CACNA1C: variants seen among roughly 807,000 people sequenced by gnomAD.
The protein encoded by CACNA1C is voltage-dependent L-type calcium channel subunit alpha-1C.
CACNA1C carries 30 observed loss-of-function variants against 229.0 expected under a neutral mutation model. The ratio of observed to expected loss-of-function variants is 0.13; its 90% CI spans 0.10 to 0.18. CACNA1C has a LOEUF of 0.18. Ranked by LOEUF, CACNA1C falls within the 10% of genes least tolerant of loss-of-function variation. The probability of loss-of-function intolerance (pLI) is 1.00; values close to 1 mark genes in which losing one functional copy is unlikely to be tolerated. For missense variants in CACNA1C, 1,658 were observed against 2,845.0 expected, an observed-to-expected ratio of 0.58 and a Z score of 9.49; for synonymous variants, 1,114 against 1,132.5, an observed-to-expected ratio of 0.98 and a Z score of 0.33.
intron 5 of CACNA1C, among the ~76,000 whole-genome samples, chr12:2,480,637 G>A (rs1055840996): frequency 2.6e-5 from 4 of 152,168 alleles, no homozygotes; most frequent in Non-Finnish European, 5.9e-5. Context: ...TCCTCTTCCT[G>A]TCATGGCAAA....
intron 3 of CACNA1C, among the ~76,000 whole-genome samples, chr12:2,155,042 C>G (rs1422035213): frequency 6.6e-6 from 1 of 152,100 alleles, no homozygotes; most frequent in African/African-American, 2.4e-5. Flanking sequence ...ATTTTTTTCA[C>G]TTGGTGAATC....
At chr12:2,227,333 A>C (rs1470065908) in intron 3 of CACNA1C, among the ~76,000 whole-genome samples, 1 of 152,208 alleles carries the variant, frequency 6.6e-6, no homozygotes, top group Non-Finnish European at 1.5e-5. Context: ...CAGACACTTC[A>C]TTCTGTTGAT....
At chr12:2,227,041 C>T (rs933187030) in intron 3 of CACNA1C, among the ~76,000 whole-genome samples, 1 of 152,196 alleles carries the variant, frequency 6.6e-6, no homozygotes, top group African/African-American at 2.4e-5. Flanking sequence ...GGAGGCAGTC[C>T]TCACCAAGAA....
intron 1 of CACNA1C, among the ~76,000 whole-genome samples, chr12:2,082,030 CAG>C (rs902010968): frequency 2.2e-4 from 34 of 151,944 alleles, no homozygotes; most frequent in Middle Eastern, 3.4e-3. Flanking sequence ...GGTAAGAAAA[CAG>C]GGGGGACAGG....
intron 9 of CACNA1C, among the ~76,000 whole-genome samples, chr12:2,540,235 C>G (rs1291294640): frequency 4.6e-5 from 7 of 152,204 alleles, no homozygotes; most frequent in Admixed American, 4.6e-4. Flanking sequence ...AGGACAGACT[C>G]TCAACTGTCC....
intron 3 of CACNA1C, among the ~76,000 whole-genome samples, chr12:2,392,662 G>C (rs2098505574): frequency 6.6e-6 from 1 of 152,182 alleles, no homozygotes; most frequent in African/African-American, 2.4e-5. Context: ...GGTTTAAAAA[G>C]GTCCTTTGCA....
intron 42 of CACNA1C, chr12:2,680,607 A>G (rs1379635230): frequency 2.0e-6 from 3 of 1,526,500 alleles, no homozygotes; most frequent in Non-Finnish European, 2.7e-6. Context: ...CAGCTCAGAA[A>G]ATAATAGAGA....
chr12:2,219,925 G>C (rs1213340112), intron 3 of CACNA1C, among the ~76,000 whole-genome samples: 1 of 152,180 alleles, frequency 6.6e-6, no homozygotes, highest in Non-Finnish European at 1.5e-5. Flanking sequence ...GGCTTTCCTT[G>C]AAGAGCACTC....
chr12:2,427,194 A>G (rs2099040519), intron 3 of CACNA1C, among the ~76,000 whole-genome samples: 1 of 152,164 alleles, frequency 6.6e-6, no homozygotes, highest in African/African-American at 2.4e-5. Context: ...CCAATCTGCA[A>G]TGAAGGTTTA....
intron 3 of CACNA1C, among the ~76,000 whole-genome samples, chr12:2,216,787 AG>A (rs1196926061): frequency 1.3e-5 from 2 of 152,216 alleles, no homozygotes; most frequent in Non-Finnish European, 2.9e-5. Flanking sequence ...ACTGGTTTAG[AG>A]GTGTTTAAAG....
chr12:2,394,964 C>T (rs1235409926), intron 3 of CACNA1C, among the ~76,000 whole-genome samples: 2 of 152,192 alleles, frequency 1.3e-5, no homozygotes, highest in Non-Finnish European at 2.9e-5. Flanking sequence ...TTGTTTATTT[C>T]ACTTAGTTTC....
chr12:2,564,876 G>A (rs1043356996), intron 11 of CACNA1C, among the ~76,000 whole-genome samples: 2 of 152,200 alleles, frequency 1.3e-5, no homozygotes, highest in African/African-American at 2.4e-5. Flanking sequence ...GGCTGTTTTT[G>A]TGGGGTGTTC....
At chr12:2,309,875 G>C (rs570672151) in intron 3 of CACNA1C, among the ~76,000 whole-genome samples, 4 of 152,180 alleles carry the variant, frequency 2.6e-5, no homozygotes, top group Non-Finnish European at 4.4e-5. Context: ...CTGTGGAGGA[G>C]ACAGCTGGAT....
rs566243618 is a variant in CACNA1C at position 2,404,118 on chromosome 12, C to T, written c.478-44858C>T. Among the ~76,000 whole-genome samples the T allele has an allele frequency of 2.6e-5, 4 of 152,308 alleles. No individual in the cohort carries two copies. The East Asian group carries it at 7.7e-4, about 29-fold the overall frequency. ...GCACTGTCCCTTTCTCTGTGTGCCACACTATGGAAAAGGTTGAGAATCACC... is the reference window on the plus strand; with the variant it reads ...GCACTGTCCCTTTCTCTGTGTGCCATACTATGGAAAAGGTTGAGAATCACC... On this transcript the variant is annotated intron_variant, in intron 3 of 46. Coordinates refer to ENST00000399655, the MANE Select transcript of CACNA1C (RefSeq NM_000719.7).
chr12:2,606,054 A>G (rs1042447765), intron 24 of CACNA1C, among the ~76,000 whole-genome samples: 1 of 152,056 alleles, frequency 6.6e-6, no homozygotes, highest in African/African-American at 2.4e-5. Context: ...AGAGAGAGAG[A>G]GGGACTTTCA....
chr12:2,649,813 G>C lies in CACNA1C; in HGVS notation c.3945+1306G>C, dbSNP rs941538410. Among the ~76,000 whole-genome samples the C allele has an allele frequency of 7.3e-5, 11 of 151,554 alleles. No individual in the cohort carries two copies. The highest frequency in any genetic ancestry group is 2.7e-4 in the African/African-American group (11 of 41,204). On this transcript the variant is annotated intron_variant, in intron 31 of 46. Coordinates refer to ENST00000399655, the MANE Select transcript of CACNA1C (RefSeq NM_000719.7). This position sits in a 1 kb window ranked among gnomAD's most constrained non-coding sequence, Gnocchi z 4.4. ...CTTGTTCTTTTTTTTCTCCTTTCTC[G>C]AACACGGTGGAACTGACAGCTGAGT...
At chr12:2,604,036 C>T (rs947207116) in intron 22 of CACNA1C, among the ~76,000 whole-genome samples, 8 of 152,228 alleles carry the variant, frequency 5.3e-5, no homozygotes, top group South Asian at 4.2e-4. Flanking sequence ...CCTTCTGGGT[C>T]GGGGCAGGAT....
chr12:2,177,608 C>A (rs2096700143), intron 3 of CACNA1C, among the ~76,000 whole-genome samples: 2 of 105,450 alleles, frequency 1.9e-5, no homozygotes, highest in African/African-American at 7.3e-5. Flanking sequence ...TTCCTTCCTT[C>A]CTTCCTTCCT....
intron 1 of CACNA1C, among the ~76,000 whole-genome samples, chr12:2,112,159 T>C (rs1216710169): frequency 6.6e-6 from 1 of 152,106 alleles, no homozygotes; most frequent in Non-Finnish European, 1.5e-5. Flanking sequence ...TCTGTGACCT[T>C]TAGTGAGTCA....
Sources: allele counts gnomAD v4.1 joint callset (sites outside exome capture counted in the v4.1 genomes callset), GRCh38; gene constraint gnomAD v4.1.1; non-coding constraint Gnocchi (gnomAD v3.1); transcripts MANE v1.5; gene names NCBI Gene and HGNC (gene_info 2026-07-23, HGNC 2026-07-21).